Variants in TGFBR3 observed in about 807,000 individuals in gnomAD.
TGFBR3 encodes the protein transforming growth factor beta receptor 3.
A neutral mutation model predicts 87.9 loss-of-function variants in TGFBR3; 46 were observed. The ratio of observed to expected loss-of-function variants is 0.52; its 90% CI spans 0.41 to 0.67. The LOEUF (loss-of-function observed/expected upper bound fraction) is 0.67. TGFBR3 is among the 30% of genes least tolerant of loss of function. The probability of loss-of-function intolerance (pLI) is 0.00; values close to 1 mark genes in which losing one functional copy is unlikely to be tolerated. For synonymous variants in TGFBR3, 381 were observed against 391.6 expected (o/e 0.97, Z 0.32); for missense variants, 866 against 1,041.9 (o/e 0.83, Z 2.32).
At chr1:91,885,610 T>C (rs1267523240) in intron 1 of TGFBR3, among the ~76,000 whole-genome samples, 8 of 151,902 alleles carry the variant, frequency 5.3e-5, no homozygotes, top group Non-Finnish European at 1.0e-4. Flanking sequence ...CGTGGAGAAT[T>C]CCTCCCCAGC....
chr1:91,800,597 A>T (rs1429054962), intron 2 of TGFBR3, among the ~76,000 whole-genome samples: 2 of 151,958 alleles, frequency 1.3e-5, no homozygotes, highest in East Asian at 1.9e-4. Flanking sequence ...GACACAATAG[A>T]GTAGTATTTG....
intron 3 of TGFBR3, among the ~76,000 whole-genome samples, chr1:91,782,860 G>A (rs1428131979): frequency 3.9e-5 from 6 of 152,202 alleles, no homozygotes; most frequent in Non-Finnish European, 7.3e-5. Context: ...CACTCTGGGA[G>A]GGGGACTCAC....
intron 3 of TGFBR3, among the ~76,000 whole-genome samples, chr1:91,789,261 C>T (rs1000451744): frequency 1.2e-4 from 18 of 152,126 alleles, no homozygotes; most frequent in African/African-American, 3.6e-4. Context: ...GAGCCAAGAT[C>T]GTGCCACTGC....
chr1:91,687,700 A>G (rs890677310), intron 16 of TGFBR3, among the ~76,000 whole-genome samples: 2 of 152,208 alleles, frequency 1.3e-5, no homozygotes, highest in Admixed American at 1.3e-4. Flanking sequence ...AGGGCAGAAC[A>G]TGAGGAAATG....
chr1:91,736,714 C>T (rs1469342223), intron 4 of TGFBR3, among the ~76,000 whole-genome samples: 2 of 152,148 alleles, frequency 1.3e-5, no homozygotes, highest in Non-Finnish European at 2.9e-5. Context: ...GTAGTAAAAT[C>T]TTCCTTTCAC....
intron 14 of TGFBR3, among the ~76,000 whole-genome samples, chr1:91,698,926 G>A (rs1204913358): frequency 1.3e-5 from 2 of 151,896 alleles, no homozygotes; most frequent in South Asian, 2.1e-4. Context: ...TTATCACAGA[G>A]GCCCCCTTAT....
chr1:91,835,569 C>G (rs977896568), intron 2 of TGFBR3, among the ~76,000 whole-genome samples: 1 of 152,154 alleles, frequency 6.6e-6, no homozygotes, highest in Non-Finnish European at 1.5e-5. Context: ...GTGCTCACAC[C>G]TCTAATCCCA....
rs17881822 is a variant in TGFBR3 at position 91,733,865 on chromosome 1, G to A, written c.568+911C>T. ...GCCTGGGCAACACAGCAAGACCTGTGTCTACAAAAAATTGTAAAAATTAGC... is the reference window on the plus strand; with the variant it reads ...GCCTGGGCAACACAGCAAGACCTGTATCTACAAAAAATTGTAAAAATTAGC... On this transcript the variant is annotated intron_variant, in intron 5 of 16. Transcript: ENST00000212355. Among the ~76,000 whole-genome samples, 86 of 152,126 alleles carry A rather than the reference G, an allele frequency of 5.7e-4. 1 individual carries two copies. The East Asian group carries it at 0.012, about 22-fold the overall frequency.
rs115633231 is a variant in TGFBR3 at position 91,689,456 on chromosome 1, T to C, written c.2438-5599A>G. Reference sequence around the variant, plus strand: ...TATTTTACCAGTGCCTAGAATAGCGTTGGCATTTAACAATAGCTTAAAAAA... The same window carrying C: ...TATTTTACCAGTGCCTAGAATAGCGCTGGCATTTAACAATAGCTTAAAAAA... On this transcript the variant is annotated intron_variant, in intron 16 of 16. Coordinates refer to ENST00000212355, the MANE Select transcript of TGFBR3 (RefSeq NM_003243.5). Among the ~76,000 whole-genome samples, 583 of 152,262 alleles carry C rather than the reference T, an allele frequency of 3.8e-3. 1 individual carries two copies. The highest frequency in any genetic ancestry group is 0.013 in the African/African-American group (555 of 41,532).
chr1:91,772,623 T>C (rs1674422794), intron 3 of TGFBR3, among the ~76,000 whole-genome samples: 1 of 152,216 alleles, frequency 6.6e-6, no homozygotes, highest in South Asian at 2.1e-4. Flanking sequence ...CCTGGTTACA[T>C]TATTTTATGT....
chr1:91,778,781 G>C (rs1674662277), intron 3 of TGFBR3, among the ~76,000 whole-genome samples: 1 of 152,194 alleles, frequency 6.6e-6, no homozygotes, highest in South Asian at 2.1e-4. Flanking sequence ...ACTAGCAGAA[G>C]AGATAGACAG....
chr1:91,727,556 A>G (rs1348787469), intron 7 of TGFBR3, 103 bp downstream of exon 7: 1 of 1,431,048 alleles, frequency 7.0e-7, no homozygotes, highest in Non-Finnish European at 9.8e-7. Flanking sequence ...CAGAGCTTAG[A>G]GAGTCCAAAG....
chr1:91,785,192 C>T (rs895776734), intron 3 of TGFBR3, among the ~76,000 whole-genome samples: 1 of 152,222 alleles, frequency 6.6e-6, no homozygotes, highest in African/African-American at 2.4e-5. Context: ...CGAGGAACCT[C>T]AAGTGCTTTA....
At chr1:91,888,569 G>T (rs1262769666), upstream of TGFBR3, among the ~76,000 whole-genome samples, 4 of 152,148 alleles carry the variant, frequency 2.6e-5, no homozygotes, top group African/African-American at 7.2e-5. Context: ...AGGCATGGTG[G>T]CGGGCACCTG....
intron 2 of TGFBR3, among the ~76,000 whole-genome samples, chr1:91,893,385 A>G (rs899910072): frequency 3.9e-5 from 6 of 152,188 alleles, no homozygotes; most frequent in African/African-American, 1.4e-4. Context: ...CCCGGGTTCA[A>G]GCAATTCTTG....
chr1:91,797,066 A>G (rs1170800669), intron 3 of TGFBR3, among the ~76,000 whole-genome samples: 1 of 152,066 alleles, frequency 6.6e-6, no homozygotes, highest in African/African-American at 2.4e-5. Context: ...GTTTTTTTCC[A>G]ATACGGAGGG....
intron 4 of TGFBR3, 101 bp from the exon 5 acceptor site, chr1:91,735,060 C>T: frequency 2.9e-6 from 4 of 1,366,054 alleles, no homozygotes; most frequent in East Asian, 4.6e-5. Context: ...TAAATCGAAC[C>T]TCTTCCCTTT....
intron 1 of TGFBR3, among the ~76,000 whole-genome samples, chr1:91,862,587 G>A (rs1678242702): frequency 6.6e-6 from 1 of 152,092 alleles, no homozygotes; most frequent in East Asian, 1.9e-4. Flanking sequence ...GTGGTGGTTT[G>A]CCTAACTTGA....
In TGFBR3 at chr1:91,681,157, T is replaced by A; in HGVS notation, c.*2582A>T. 2.2e-6 allele frequency: 1 copy of A among 454,112 alleles called. No homozygotes were observed. The allele number at this position is 454,112 out of a possible 1,614,324, so 28.1% of individuals were successfully genotyped here. A position where few individuals can be genotyped will look rare whatever the true frequency, so the allele number is the denominator to read the frequency against. Reference sequence around the variant, plus strand: ...TTAAAGAAACTTGTAGTACACGTTATAAAAGTAGAGCTTGTACTTTGTATT... The same window carrying A: ...TTAAAGAAACTTGTAGTACACGTTAAAAAAGTAGAGCTTGTACTTTGTATT... On this transcript the variant is annotated 3_prime_UTR_variant, in exon 17 of 17. Transcript: ENST00000212355.
Sources: allele counts gnomAD v4.1 joint callset (sites outside exome capture counted in the v4.1 genomes callset), GRCh38; gene constraint gnomAD v4.1.1; transcripts MANE v1.5; gene names NCBI Gene and HGNC (gene_info 2026-07-23, HGNC 2026-07-21).